Variants in MTMR7 observed in about 807,000 individuals in gnomAD.
The protein encoded by MTMR7 is phosphatidylinositol-3-phosphate phosphatase MTMR7.
A neutral mutation model predicts 81.2 loss-of-function variants in MTMR7; 76 were observed. That is an observed-to-expected ratio of 0.94 (90% CI 0.78 to 1.13). The LOEUF (loss-of-function observed/expected upper bound fraction) is 1.13, where lower values mean the gene tolerates loss of function less well. MTMR7 is among the 50% of genes most tolerant of loss of function. MTMR7 has a pLI of 0.00. For missense variants in MTMR7, 1,044 were observed against 820.0 expected, an observed-to-expected ratio of 1.27 and a Z score of -3.34; for synonymous variants, 372 against 289.8, an observed-to-expected ratio of 1.28 and a Z score of -2.88.
chr8:17,409,504 C>T (rs756777081), intron 1 of MTMR7, among the ~76,000 whole-genome samples: 2 of 152,116 alleles, frequency 1.3e-5, no homozygotes, highest in Non-Finnish European at 2.9e-5. Flanking sequence ...ATTAATTATG[C>T]ATTCTTCACT....
In MTMR7 at chr8:17,307,337, C is replaced by T. The variant is rs1366147949; in HGVS notation, c.1152-1380G>A. Among the ~76,000 whole-genome samples, 16 of 152,212 alleles carry T rather than the reference C, an allele frequency of 1.1e-4. No individual in the cohort carries two copies. In the East Asian group the frequency reaches 1.3e-3, roughly 13 times the overall value. ...AATGCAAATCAAAACCACAATGATA[C>T]ACCATCTCACACCAGTTAGAATGGC... is the stretch of plus-strand genomic sequence containing the variant. On this transcript the variant is annotated intron_variant, in intron 10 of 13. Coordinates refer to ENST00000180173, the MANE Select transcript of MTMR7 (RefSeq NM_004686.5).
Position 17,341,592 on chromosome 8 carries a change from C to G in MTMR7, c.598-95G>C. 1.5e-5 allele frequency: 21 copies of G among 1,425,238 alleles called. No individual in the cohort carries two copies. The South Asian group carries it at 2.8e-4, about 19-fold the overall frequency. 88.3% of individuals were successfully genotyped at this position (1,425,238 alleles called of 1,614,324 possible). On this transcript the variant is annotated intron_variant, in intron 5 of 13. Coordinates refer to ENST00000180173, the MANE Select transcript of MTMR7 (RefSeq NM_004686.5). The stretch of plus-strand genomic sequence containing the variant: ...TCTCCAGAACAAAGAGCCCTTGGCT[C>G]ACTGATAGTCCACCTCGGCTTATGA...
chr8:17,303,030 T>G (rs1389228933), intron 12 of MTMR7, among the ~76,000 whole-genome samples: 1 of 152,022 alleles, frequency 6.6e-6, no homozygotes. Flanking sequence ...CTTTTTATCC[T>G]ACACAAAAAA....
At chr8:17,360,719 C>T (rs1239950225) in intron 4 of MTMR7, among the ~76,000 whole-genome samples, 1 of 151,950 alleles carries the variant, frequency 6.6e-6, no homozygotes, top group Non-Finnish European at 1.5e-5. Flanking sequence ...TCAGTGAGTA[C>T]ATAGAGGAGC....
chr8:17,360,583 T>A (rs1347254868), intron 4 of MTMR7, among the ~76,000 whole-genome samples: 1 of 151,938 alleles, frequency 6.6e-6, no homozygotes, highest in Non-Finnish European at 1.5e-5. Flanking sequence ...TGTAAGCCTG[T>A]CATTAAGGAG....
At chr8:17,311,809 G>A (rs937129020) in intron 8 of MTMR7, 173 bp from the exon 9 acceptor site, 13 of 969,504 alleles carry the variant, frequency 1.3e-5, no homozygotes, top group Non-Finnish European at 2.0e-5. Flanking sequence ...GAGTGGCCTG[G>A]TGCTGGCAGC....
In MTMR7 at chr8:17,399,325, A is replaced by G. The variant is rs150348763; in HGVS notation, c.24+13944T>C. Among the ~76,000 whole-genome samples, 931 of 152,338 alleles carry G rather than the reference A, an allele frequency of 6.1e-3. 9 individuals are homozygous for G. Among genetic ancestry groups the G allele is most frequent in the South Asian group, 0.018 (89 of 4,830 alleles). The stretch of plus-strand genomic sequence containing the variant: ...CAAAATACGAAAAACAGTAGCGTTC[A>G]TGTATGCCAACAGTGAACAATGTGA... On this transcript the variant is annotated intron_variant, in intron 1 of 13. Coordinates refer to ENST00000180173, the MANE Select transcript of MTMR7 (RefSeq NM_004686.5).
intron 12 of MTMR7, among the ~76,000 whole-genome samples, chr8:17,303,894 C>T (rs1817285984): frequency 6.6e-6 from 1 of 152,198 alleles, no homozygotes; most frequent in Admixed American, 6.5e-5. Flanking sequence ...GTAATTTCCA[C>T]AAGGGAAGTA....
chr8:17,375,015 G>A (rs1585103329), intron 1 of MTMR7, among the ~76,000 whole-genome samples: 1 of 151,966 alleles, frequency 6.6e-6, no homozygotes, highest in East Asian at 2.0e-4. Context: ...CTTACAACTG[G>A]AAGGCAGAGG....
At chr8:17,354,684 G>T (rs1013744221) in intron 4 of MTMR7, among the ~76,000 whole-genome samples, 5 of 152,176 alleles carry the variant, frequency 3.3e-5, no homozygotes, top group Admixed American at 2.0e-4. Context: ...CAAAGGATTT[G>T]TGAGAAGAAA....
intron 1 of MTMR7, among the ~76,000 whole-genome samples, chr8:17,378,591 G>A (rs1820661384): frequency 6.6e-6 from 1 of 152,154 alleles, no homozygotes; most frequent in African/African-American, 2.4e-5. Flanking sequence ...AAACAAAATT[G>A]TTGCAACTCA....
intron 3 of MTMR7, among the ~76,000 whole-genome samples, chr8:17,364,461 A>G (rs1459224979): frequency 6.6e-6 from 1 of 152,208 alleles, no homozygotes; most frequent in Non-Finnish European, 1.5e-5. Context: ...TAGCGTTTCG[A>G]AATGTACACT....
intron 9 of MTMR7, 43 bp downstream of exon 9, chr8:17,311,468 G>A (rs1290770186): frequency 6.2e-7 from 1 of 1,612,892 alleles, no homozygotes; most frequent in Non-Finnish European, 8.5e-7. Context: ...TCCATTCCTG[G>A]TCAAGGCACC....
intron 9 of MTMR7, among the ~76,000 whole-genome samples, chr8:17,310,989 G>A (rs969998076): frequency 8.5e-5 from 13 of 152,080 alleles, no homozygotes; most frequent in South Asian, 6.2e-4. Flanking sequence ...GGATATACTC[G>A]TCATTTCAGC....
chr8:17,371,487 G>C (rs1295509928), intron 2 of MTMR7, among the ~76,000 whole-genome samples: 1 of 152,150 alleles, frequency 6.6e-6, no homozygotes, highest in Non-Finnish European at 1.5e-5. Flanking sequence ...GAAACATTTT[G>C]GTAGTCAAAT....
At chr8:17,376,674 T>G (rs901609784) in intron 1 of MTMR7, among the ~76,000 whole-genome samples, 1 of 152,200 alleles carries the variant, frequency 6.6e-6, no homozygotes, top group Non-Finnish European at 1.5e-5. Context: ...ACTTCCCTGA[T>G]AGCTAACAAT....
rs549030747 is a variant in MTMR7, at chr8:17,335,633, C to T, written c.733-4351G>A. Among the ~76,000 whole-genome samples, 3 of 152,330 alleles carry T rather than the reference C, an allele frequency of 2.0e-5. No individual in the cohort carries two copies. In the South Asian group the frequency reaches 6.2e-4, roughly 32 times the overall value. On this transcript the variant is annotated intron_variant, in intron 6 of 13. Transcript: ENST00000180173. ...CTAACACAGGTGGTCAAATGACGGT[C>T]TTTCTCTCTCCCTCCTATATAACTG...
intron 1 of MTMR7, among the ~76,000 whole-genome samples, chr8:17,386,326 C>T (rs749633199): frequency 8.5e-5 from 13 of 152,266 alleles, no homozygotes; most frequent in African/African-American, 9.6e-5. Flanking sequence ...TGCAGTGGGC[C>T]GTGATCATGC....
At chr8:17,335,248 G>A (rs1455939369) in intron 6 of MTMR7, among the ~76,000 whole-genome samples, 1 of 152,162 alleles carries the variant, frequency 6.6e-6, no homozygotes, top group East Asian at 1.9e-4. Context: ...GTGTCTCATT[G>A]ATGGCCACAT....
Sources: gnomAD v4.1 joint callset for allele counts (sites outside exome capture counted in the v4.1 genomes callset) on GRCh38, gnomAD v4.1.1 for gene constraint, MANE v1.5 for transcripts, NCBI Gene and HGNC (gene_info 2026-07-23, HGNC 2026-07-21) for gene names.